The following PTPRZ1 variants were observed in gnomAD, a reference collection of about 807,000 sequenced individuals.
The protein encoded by PTPRZ1 is receptor-type tyrosine-protein phosphatase zeta.
A neutral mutation model predicts 214.1 loss-of-function variants in PTPRZ1; 82 were observed. The ratio of observed to expected loss-of-function variants is 0.38; its 90% CI spans 0.32 to 0.46. The LOEUF (loss-of-function observed/expected upper bound fraction) is 0.46. Among genes scored for constraint, PTPRZ1 ranks in the 20% least tolerant of loss-of-function variants. The probability of loss-of-function intolerance (pLI) is 1.00; values close to 1 mark genes in which losing one functional copy is unlikely to be tolerated. For missense variants in PTPRZ1, 2,603 were observed against 2,748.7 expected, an observed-to-expected ratio of 0.95 and a Z score of 1.19; for synonymous variants, 945 against 987.9, an observed-to-expected ratio of 0.96 and a Z score of 0.81.
intron 4 of PTPRZ1, among the ~76,000 whole-genome samples, chr7:121,973,956 A>AAC (rs1432780282): frequency 2.0e-5 from 3 of 150,928 alleles, no homozygotes; most frequent in Non-Finnish European, 4.4e-5. Flanking sequence ...AAAAAAAAAA[A>AAC]AAAAAAAGCA....
At position 122,062,027 on chromosome 7, in the gene PTPRZ1, T is replaced by A. The variant is rs1407637720; in HGVS notation, c.*807T>A. Reference sequence around the variant, plus strand: ...GGAATTGCAAAAATAAATATAAATATTGCCATTAATTTGTGTTTGCTTGTG... The same window carrying A: ...GGAATTGCAAAAATAAATATAAATAATGCCATTAATTTGTGTTTGCTTGTG... On this transcript the variant is annotated 3_prime_UTR_variant, in exon 30 of 30. Transcript: ENST00000393386. The A allele has an allele frequency of 6.6e-6, 1 of 152,650 alleles. No homozygotes were observed. The highest frequency in any genetic ancestry group is 1.5e-5 in the Non-Finnish European group (1 of 68,048). The allele number at this position is 152,650 out of a possible 1,614,324, so 9.5% of individuals were successfully genotyped here.
Position 122,010,845 on chromosome 7 carries a change from CTG to C in PTPRZ1, c.1800_1801del (p.Asn602HisfsTer18). 6.2e-7 allele frequency: 1 copy of C among 1,614,158 alleles called. No homozygotes were observed. The highest frequency in any genetic ancestry group is 8.5e-7 in the Non-Finnish European group (1 of 1,180,024). ...GCAACTTCTGCTATCCCATTCATCTCTGAGAACATATCCCAAGGGTATATATT... is the reference window on the plus strand; with the variant it reads ...GCAACTTCTGCTATCCCATTCATCTCAGAACATATCCCAAGGGTATATATT... On this transcript the variant is annotated frameshift_variant, in exon 12 of 30. Coordinates refer to ENST00000393386, the MANE Select transcript of PTPRZ1 (RefSeq NM_002851.3). LOFTEE classifies it high-confidence loss of function.
intron 1 of PTPRZ1, among the ~76,000 whole-genome samples, chr7:121,905,893 G>A (rs1795102543): frequency 6.6e-6 from 1 of 151,990 alleles, no homozygotes; most frequent in African/African-American, 2.4e-5. Context: ...CCTTTCCTGG[G>A]TTTTTGGCAT....
At chr7:121,902,015 C>T (rs748209544) in intron 1 of PTPRZ1, among the ~76,000 whole-genome samples, 14 of 152,136 alleles carry the variant, frequency 9.2e-5, no homozygotes, top group Non-Finnish European at 7.4e-5. Context: ...CGACTGTCCC[C>T]GCTACTCTCA....
intron 18 of PTPRZ1, among the ~76,000 whole-genome samples, chr7:122,037,517 G>A (rs1354291572): frequency 6.6e-6 from 1 of 152,120 alleles, no homozygotes; most frequent in Non-Finnish European, 1.5e-5. Flanking sequence ...AACTAAATTG[G>A]TTTTTCACTG....
chr7:121,990,812 G>A (rs1397660804), intron 8 of PTPRZ1, among the ~76,000 whole-genome samples: 1 of 152,136 alleles, frequency 6.6e-6, no homozygotes, highest in Non-Finnish European at 1.5e-5. Flanking sequence ...GAGCCATCGT[G>A]CTTGGCCAAT....
At chr7:122,042,556 A>C (rs1285505167) in intron 21 of PTPRZ1, 52 bp from the exon 22 acceptor site, 8 of 1,519,134 alleles carry the variant, frequency 5.3e-6, no homozygotes, top group Non-Finnish European at 8.9e-7. Flanking sequence ...CTATTTTTCA[A>C]ATTTATTTTA....
chr7:121,903,313 T>C (rs1795024177), intron 1 of PTPRZ1, among the ~76,000 whole-genome samples: 1 of 152,198 alleles, frequency 6.6e-6, no homozygotes, highest in Admixed American at 6.6e-5. Flanking sequence ...ATTCTCTAGT[T>C]AGACTGTATC....
At chr7:121,938,598 C>G (rs1008773385) in intron 2 of PTPRZ1, among the ~76,000 whole-genome samples, 30 of 152,220 alleles carry the variant, frequency 2.0e-4, no homozygotes, top group African/African-American at 7.0e-4. Flanking sequence ...TAAGGATGGC[C>G]CCCGGGTCCT....
chr7:121,882,225 C>G (rs780820767), intron 1 of PTPRZ1, among the ~76,000 whole-genome samples: 39 of 152,108 alleles, frequency 2.6e-4, no homozygotes, highest in Admixed American at 1.3e-3. Context: ...AGAGACTATT[C>G]TTCTCATGGC....
At chr7:121,939,272 G>A (rs1796175570) in intron 2 of PTPRZ1, among the ~76,000 whole-genome samples, 2 of 152,160 alleles carry the variant, frequency 1.3e-5, no homozygotes, top group Admixed American at 1.3e-4. Flanking sequence ...TGGAAAACAG[G>A]GAAGGCTGCA....
intron 3 of PTPRZ1, among the ~76,000 whole-genome samples, chr7:121,971,548 C>T (rs1206572917): frequency 6.6e-6 from 1 of 152,046 alleles, no homozygotes; most frequent in African/African-American, 2.4e-5. Context: ...CAGTGGGGAA[C>T]CTTTGAGCAA....
chr7:121,970,058 T>G (rs1797188663), intron 3 of PTPRZ1, among the ~76,000 whole-genome samples: 1 of 150,508 alleles, frequency 6.6e-6, no homozygotes, highest in African/African-American at 2.4e-5. Flanking sequence ...GGTGTTTGGT[T>G]TTTTGTCCTT....
In PTPRZ1 at chr7:121,920,880, A is replaced by C. The variant is rs139736064; in HGVS notation, c.59-7276A>C. 4.7e-3 allele frequency among the ~76,000 whole-genome samples: 712 copies of C among 152,236 alleles called. 6 individuals are homozygous for C. The highest frequency in any genetic ancestry group is 0.016 in the African/African-American group (683 of 41,562). On this transcript the variant is annotated intron_variant, in intron 1 of 29. Coordinates refer to ENST00000393386, the MANE Select transcript of PTPRZ1 (RefSeq NM_002851.3). The stretch of plus-strand genomic sequence containing the variant: ...TAAAATAATATTTATTAAATTGAGA[A>C]TATGTCAGTGATTCATTATCATGTA...
intron 1 of PTPRZ1, among the ~76,000 whole-genome samples, chr7:121,911,983 C>T (rs1795291770): frequency 6.6e-6 from 1 of 151,658 alleles, no homozygotes; most frequent in African/African-American, 2.4e-5. Flanking sequence ...GTTTTGAAAA[C>T]AGAAGTGTCT....
chr7:122,034,632 C>T (rs1006391317), intron 17 of PTPRZ1, among the ~76,000 whole-genome samples: 1 of 152,050 alleles, frequency 6.6e-6, no homozygotes, highest in African/African-American at 2.4e-5. Flanking sequence ...TTCTTTTGTT[C>T]TTTCTTTCAT....
At chr7:121,965,754 C>T (rs531297931) in intron 2 of PTPRZ1, among the ~76,000 whole-genome samples, 40 of 152,244 alleles carry the variant, frequency 2.6e-4, no homozygotes, top group African/African-American at 8.2e-4. Context: ...ATTCCACTTA[C>T]TACATAGGTG....
intron 27 of PTPRZ1, among the ~76,000 whole-genome samples, chr7:122,056,267 A>C (rs562567751): frequency 1.3e-5 from 2 of 151,980 alleles, no homozygotes; most frequent in South Asian, 4.1e-4. Context: ...CATGTTTAAT[A>C]TCTTGCTCAG....
chr7:122,010,494 C>A lies in PTPRZ1; in HGVS notation c.1448C>A (p.Pro483Gln). The A allele has an allele frequency of 6.2e-7, 1 of 1,614,068 alleles. No homozygotes were observed. The highest frequency in any genetic ancestry group is 8.5e-7 in the Non-Finnish European group (1 of 1,179,970). Reference sequence around the variant, plus strand: ...AATGAAGCCAAGACTAACCGATCCCCAACAAGAGGAAGTGAATTCTCTGGA... The same window carrying A: ...AATGAAGCCAAGACTAACCGATCCCAAACAAGAGGAAGTGAATTCTCTGGA... ...KYNEAKTNRSPTRGSEFSGKG... is the reference protein window; with the variant it reads ...KYNEAKTNRSQTRGSEFSGKG... The change falls in exon 12 of 30, where the codon CCA (proline) becomes CAA (glutamine). Residue 483 changes from proline to glutamine, a missense_variant. Pro to Gln is a moderately conservative substitution (Grantham distance 76). This residue lies in a region of PTPRZ1 where 1,913 missense variants were observed against 1,914.3 expected (regional missense o/e 1.00). Coordinates refer to ENST00000393386, the MANE Select transcript of PTPRZ1 (RefSeq NM_002851.3).
Sources: allele counts gnomAD v4.1 joint callset (sites outside exome capture counted in the v4.1 genomes callset), GRCh38; gene constraint gnomAD v4.1.1; regional missense constraint gnomAD v4.1.1; transcripts MANE v1.5; gene names NCBI Gene and HGNC (gene_info 2026-07-23, HGNC 2026-07-21).